LPIN2: variants seen among roughly 807,000 people sequenced by gnomAD.
The protein encoded by LPIN2 is lipin 2, also known as phosphatidate phosphatase LPIN2.
Under a neutral mutation model 111.4 loss-of-function variants are expected in LPIN2, and 55 were observed. The observed-to-expected ratio is 0.49, with a 90% CI of 0.40 to 0.62. The LOEUF is 0.62. Ranked by LOEUF, LPIN2 falls within the 20% of genes least tolerant of loss-of-function variation. The pLI is 0.00. For missense variants in LPIN2, 992 were observed against 1,112.1 expected (o/e 0.89, Z 1.54); for synonymous variants, 425 against 414.0 (o/e 1.03, Z -0.32).
chr18:2,959,967 G>A lies in LPIN2; in HGVS notation c.192+682C>T, dbSNP rs561744600. ...GTGGATCACTTGAGGTCAGGAGTTC[G>A]AGACCAGCCTAGCCAACAAGGTGAA... On this transcript the variant is annotated intron_variant, in intron 2 of 19. Coordinates refer to ENST00000677752, the MANE Select transcript of LPIN2 (RefSeq NM_001375808.2). Among the ~76,000 whole-genome samples, 15 of 152,198 alleles carry A rather than the reference G, an allele frequency of 9.9e-5. No individual in the cohort carries two copies. The East Asian group carries it at 1.7e-3, about 18-fold the overall frequency.
At chr18:2,924,946 T>C (rs1598523138) in intron 14 of LPIN2, among the ~76,000 whole-genome samples, 2 of 152,224 alleles carry the variant, frequency 1.3e-5, no homozygotes, top group African/African-American at 4.8e-5. Flanking sequence ...TAAGAGACAG[T>C]ACCTGGCTCA....
intron 7 of LPIN2, among the ~76,000 whole-genome samples, chr18:2,936,473 G>T (rs1171449374): frequency 3.3e-5 from 5 of 152,188 alleles, no homozygotes; most frequent in Admixed American, 6.5e-5. Context: ...TTGAGACAGG[G>T]TCTCACTCTG....
At chr18:2,931,590 A>C (rs2077214705) in intron 8 of LPIN2, 147 bp from the exon 9 acceptor site, 1 of 759,374 alleles carries the variant, frequency 1.3e-6, no homozygotes, top group African/African-American at 1.7e-5. Context: ...CTTTTCTTAG[A>C]TAGGGTTTAG....
At chr18:2,943,585 A>T (rs1471639665) in intron 4 of LPIN2, among the ~76,000 whole-genome samples, 1 of 152,260 alleles carries the variant, frequency 6.6e-6, no homozygotes, top group East Asian at 1.9e-4. Context: ...AGAAAGAAGT[A>T]TTAACAAAAA....
At chr18:2,956,311 G>GTGTGTGTGTGTGTGTGTGTGTGTGTGT (rs2077612603) in intron 2 of LPIN2, among the ~76,000 whole-genome samples, 4 of 144,050 alleles carry the variant, frequency 2.8e-5, no homozygotes, top group African/African-American at 1.1e-4. Flanking sequence ...TAGATGCAGG[G>GTGTGTGTGTGTGTGTGTGTGTGTGTGT]GTGTGTGTGT....
chr18:2,997,171 G>A (rs901487890), intron 1 of LPIN2, among the ~76,000 whole-genome samples: 11 of 152,062 alleles, frequency 7.2e-5, no homozygotes, highest in South Asian at 2.1e-4. Context: ...TAGTAGAAAC[G>A]GGGTTTTGCC....
chr18:2,962,124 A>T (rs866443232), intron 1 of LPIN2, among the ~76,000 whole-genome samples: 22 of 152,332 alleles, frequency 1.4e-4, no homozygotes, highest in Middle Eastern at 3.4e-3. Flanking sequence ...CTCTTCACAG[A>T]TGAGTGGCCA....
Position 2,919,943 on chromosome 18 carries a change from T to C in LPIN2, c.*350A>G, listed in dbSNP as rs978095216. On this transcript the variant is annotated 3_prime_UTR_variant, in exon 20 of 20. Coordinates refer to ENST00000677752, the MANE Select transcript of LPIN2 (RefSeq NM_001375808.2). The stretch of plus-strand genomic sequence containing the variant: ...CAGTGGAAACTGGAACACTTCACTG[T>C]GTGCAGTGTTTTGGTCCACTCTTTT... 3.3e-5 allele frequency: 12 copies of C among 368,216 alleles called. 1 individual carries two copies. Among genetic ancestry groups the C allele is most frequent in the Middle Eastern group, 9.3e-4 (1 of 1,078 alleles). 22.8% of individuals were successfully genotyped at this position (368,216 alleles called of 1,614,324 possible). A position where few individuals can be genotyped will look rare whatever the true frequency, so the allele number is the denominator to read the frequency against.
intron 1 of LPIN2, among the ~76,000 whole-genome samples, chr18:3,002,828 A>G (rs777481963): frequency 1.3e-5 from 2 of 152,100 alleles, no homozygotes; most frequent in Non-Finnish European, 2.9e-5. Flanking sequence ...CTCAAGCAGT[A>G]CTCCCTTCTA....
intron 1 of LPIN2, among the ~76,000 whole-genome samples, chr18:2,993,685 T>C (rs1263093435): frequency 2.0e-5 from 3 of 152,234 alleles, no homozygotes. Context: ...AAAATTACAC[T>C]GGACCACAAC....
chr18:2,922,726 G>A (rs755553506), intron 16 of LPIN2, among the ~76,000 whole-genome samples: 26 of 152,130 alleles, frequency 1.7e-4, no homozygotes, highest in Non-Finnish European at 3.2e-4. Flanking sequence ...GGCAACTAAG[G>A]ATTATGTTAA....
chr18:2,956,844 T>C (rs972930533), intron 2 of LPIN2, among the ~76,000 whole-genome samples: 3 of 152,376 alleles, frequency 2.0e-5, no homozygotes, highest in South Asian at 2.1e-4. Flanking sequence ...TAAATGGAGT[T>C]TGGTCTTTCC....
chr18:2,938,275 G>T (rs765060194), intron 6 of LPIN2, among the ~76,000 whole-genome samples: 84 of 152,302 alleles, frequency 5.5e-4, no homozygotes, highest in Non-Finnish European at 7.9e-4. Flanking sequence ...TATAATCCCA[G>T]CACTTTGGGA....
intron 7 of LPIN2, among the ~76,000 whole-genome samples, chr18:2,935,038 A>C (rs187354427): frequency 2.6e-5 from 4 of 152,366 alleles, no homozygotes; most frequent in Admixed American, 2.6e-4. Context: ...TCTTCAATTC[A>C]AACAATAACT....
chr18:2,924,705 A>G lies in LPIN2; in HGVS notation c.1939-159T>C, dbSNP rs149482453. Reference sequence around the variant, plus strand: ...CACCCTGTGCCCAGCGCAGCTGACAATGCTGAGGGAGCCACTGCCTGAACA... The same window carrying G: ...CACCCTGTGCCCAGCGCAGCTGACAGTGCTGAGGGAGCCACTGCCTGAACA... On this transcript the variant is annotated intron_variant, in intron 14 of 19. Transcript: ENST00000677752. 5.0e-3 allele frequency among the ~76,000 whole-genome samples: 767 copies of G among 152,252 alleles called. 8 individuals are homozygous for G. The highest frequency in any genetic ancestry group is 0.017 in the African/African-American group (722 of 41,552).
intron 1 of LPIN2, among the ~76,000 whole-genome samples, chr18:2,971,955 G>A (rs536190986): frequency 4.6e-5 from 7 of 152,186 alleles, no homozygotes; most frequent in Admixed American, 2.6e-4. Context: ...GCCGAGACAC[G>A]AGAATCGCTT....
intron 1 of LPIN2, among the ~76,000 whole-genome samples, chr18:2,966,492 GCA>G (rs1188706522): frequency 6.6e-6 from 1 of 152,148 alleles, no homozygotes; most frequent in African/African-American, 2.4e-5. Flanking sequence ...TCCAAGGTCA[GCA>G]CACTATTAAG....
intron 1 of LPIN2, among the ~76,000 whole-genome samples, chr18:2,981,265 TTA>T (rs1198178589): frequency 1.3e-5 from 2 of 152,156 alleles, no homozygotes; most frequent in African/African-American, 2.4e-5. Flanking sequence ...CACACCCAGG[TTA>T]TAAAGTCAAA....
chr18:2,982,423 C>A (rs1422145035), intron 1 of LPIN2, among the ~76,000 whole-genome samples: 1 of 151,978 alleles, frequency 6.6e-6, no homozygotes, highest in Non-Finnish European at 1.5e-5. Flanking sequence ...AAAAAAAAGT[C>A]TTTTGTTAAA....
Sources: gnomAD v4.1 joint callset for allele counts (sites outside exome capture counted in the v4.1 genomes callset) on GRCh38, gnomAD v4.1.1 for gene constraint, MANE v1.5 for transcripts, NCBI Gene and HGNC (gene_info 2026-07-23, HGNC 2026-07-21) for gene names.